Variants in VPS13B observed in about 807,000 individuals in gnomAD.
VPS13B encodes the protein intermembrane lipid transfer protein VPS13B.
In VPS13B, 285 loss-of-function variants were observed where a neutral mutation model predicts 426.4. The ratio of observed to expected loss-of-function variants is 0.67; its 90% CI spans 0.61 to 0.74. The LOEUF is 0.74. VPS13B is among the 30% of genes least tolerant of loss of function. The pLI is 0.00. For missense variants in VPS13B, 4,537 were observed against 4,782.6 expected (o/e 0.95, Z 1.51); for synonymous variants, 1,676 against 1,676.4 (o/e 1.00, Z 0.01).
chr8:99,111,237 T>C lies in VPS13B; in HGVS notation c.720T>C (p.Phe240=). The change falls in exon 6 of 62, where the codon TTT becomes TTC. Residue 240 remains phenylalanine (F), a synonymous_variant. Transcript: ENST00000357162. ...GTTCCTTCAGAACTCGTCTTCATTT[T>C]ACATATGAAAACCTAAATTCCAAGA... The part of the protein sequence containing the change: ...YKCSFRTRLH[F]TYENLNSKMP... The C allele has an allele frequency of 3.7e-6, 6 of 1,603,440 alleles. No homozygotes were observed. The highest frequency in any genetic ancestry group is 5.1e-6 in the Non-Finnish European group (6 of 1,176,016).
chr8:99,585,918 A>G (rs753068427), intron 33 of VPS13B, among the ~76,000 whole-genome samples: 22 of 152,180 alleles, frequency 1.4e-4, no homozygotes, highest in Admixed American at 2.6e-4. Context: ...CTCTTACAGA[A>G]TGAGAGACTC....
chr8:99,409,805 T>C, intron 21 of VPS13B, among the ~76,000 whole-genome samples: 1 of 152,194 alleles, frequency 6.6e-6, no homozygotes, highest in Non-Finnish European at 1.5e-5. Context: ...TCAAATAAGA[T>C]GAGAAGAGTT....
At position 99,454,698 on chromosome 8, in the gene VPS13B, G is replaced by A. The variant is rs148560339; in HGVS notation, c.3445+12063G>A. 1.9e-3 allele frequency among the ~76,000 whole-genome samples: 285 copies of A among 152,068 alleles called. 2 individuals carry two copies. The highest frequency in any genetic ancestry group is 6.3e-3 in the African/African-American group (263 of 41,492). Reference sequence around the variant, plus strand: ...ATCGTATGGTAAAAATGTTTAGTTCGGTAATATACCACCAGACTGTCTTCA... The same window carrying A: ...ATCGTATGGTAAAAATGTTTAGTTCAGTAATATACCACCAGACTGTCTTCA... On this transcript the variant is annotated intron_variant, in intron 23 of 61. Coordinates refer to ENST00000357162, the MANE Select transcript of VPS13B (RefSeq NM_152564.5).
At chr8:99,378,091 T>G (rs1238007254) in intron 19 of VPS13B, among the ~76,000 whole-genome samples, 1 of 143,902 alleles carries the variant, frequency 6.9e-6, no homozygotes, top group Non-Finnish European at 1.5e-5. Context: ...ATCCCTTACC[T>G]GCAACTGCAT....
intron 17 of VPS13B, among the ~76,000 whole-genome samples, chr8:99,208,206 G>C (rs1814843886): frequency 6.6e-6 from 1 of 152,044 alleles, no homozygotes; most frequent in Non-Finnish European, 1.5e-5. Context: ...CATCTTCTGA[G>C]AACTCACTAT....
At chr8:99,722,576 G>A (rs1161820579) in intron 39 of VPS13B, among the ~76,000 whole-genome samples, 2 of 149,206 alleles carry the variant, frequency 1.3e-5, no homozygotes, top group Non-Finnish European at 3.0e-5. Context: ...GCAAGATCTC[G>A]GCTCACTGCA....
intron 2 of VPS13B, among the ~76,000 whole-genome samples, chr8:99,031,052 T>C (rs1015755958): frequency 4.6e-5 from 7 of 152,196 alleles, no homozygotes; most frequent in African/African-American, 1.7e-4. Context: ...TTAGTTTTGT[T>C]ACATGTTGTT....
chr8:99,414,092 T>C (rs1815850016), intron 21 of VPS13B, among the ~76,000 whole-genome samples: 1 of 152,204 alleles, frequency 6.6e-6, no homozygotes. Context: ...AAGAACTTTG[T>C]ATGAATCTGG....
intron 19 of VPS13B, among the ~76,000 whole-genome samples, chr8:99,374,601 A>G (rs1333057323): frequency 6.6e-6 from 1 of 152,104 alleles, no homozygotes; most frequent in Non-Finnish European, 1.5e-5. Flanking sequence ...TGTAATGTCA[A>G]ATGTTGTATA....
At chr8:99,377,340 C>T (rs575928313) in intron 19 of VPS13B, among the ~76,000 whole-genome samples, 164 of 152,282 alleles carry the variant, frequency 1.1e-3, no homozygotes, top group African/African-American at 3.6e-3. Flanking sequence ...ACTCAGACCT[C>T]TCTATCTCTA....
chr8:99,106,308 G>A (rs1374139161), intron 5 of VPS13B, among the ~76,000 whole-genome samples: 2 of 151,518 alleles, frequency 1.3e-5, no homozygotes, highest in East Asian at 3.9e-4. Context: ...GGTGGCAGGT[G>A]CCTGTAATCC....
intron 17 of VPS13B, among the ~76,000 whole-genome samples, chr8:99,226,293 A>T (rs1816012863): frequency 1.3e-5 from 2 of 152,140 alleles, no homozygotes; most frequent in Admixed American, 1.3e-4. Flanking sequence ...TTGTCTGCTT[A>T]ACCTGTTTTC....
At chr8:99,544,344 G>T (rs1823823750) in intron 30 of VPS13B, among the ~76,000 whole-genome samples, 1 of 152,046 alleles carries the variant, frequency 6.6e-6, no homozygotes, top group Non-Finnish European at 1.5e-5. Flanking sequence ...GGATAGCATT[G>T]GGAGATATAC....
chr8:99,478,702 G>A (rs968839790), intron 24 of VPS13B, among the ~76,000 whole-genome samples: 7 of 151,506 alleles, frequency 4.6e-5, no homozygotes, highest in Non-Finnish European at 8.8e-5. Context: ...GCCTGCCTTG[G>A]CCTCCCAAAG....
At chr8:99,445,664 T>G (rs17377220) in intron 23 of VPS13B, among the ~76,000 whole-genome samples, 4,876 of 152,056 alleles carry the variant, frequency 0.032, 104 homozygotes, top group Middle Eastern at 0.068. Context: ...AAGTATGTTT[T>G]AGTTTTAGAA....
chr8:99,095,322 G>T (rs1394020299), intron 3 of VPS13B, among the ~76,000 whole-genome samples: 7 of 152,068 alleles, frequency 4.6e-5, no homozygotes. Context: ...TGTATACTCT[G>T]GCCTTATTTG....
chr8:99,579,615 G>A (rs1229761867), intron 33 of VPS13B, among the ~76,000 whole-genome samples: 2 of 151,818 alleles, frequency 1.3e-5, no homozygotes, highest in Non-Finnish European at 2.9e-5. Context: ...GGCCAGGCTG[G>A]TCTCCAACTC....
chr8:99,491,911 G>A (rs1004146729), intron 25 of VPS13B, among the ~76,000 whole-genome samples: 2 of 152,090 alleles, frequency 1.3e-5, no homozygotes, highest in African/African-American at 2.4e-5. Context: ...CATTGCTGGC[G>A]AGGACCTGCA....
At position 99,117,615 on chromosome 8, in the gene VPS13B, A is replaced by G. The variant is rs149980724; in HGVS notation, c.937+1741A>G. Among the ~76,000 whole-genome samples the G allele has an allele frequency of 2.9e-3, 437 of 152,296 alleles. 3 individuals are homozygous for G. The highest frequency in any genetic ancestry group is 0.01 in the African/African-American group (417 of 41,572). ...ACATTGGAGTATTATTTAGCTGTAC[A>G]AAAAAATGAAATACTGATATAGGCT... On this transcript the variant is annotated intron_variant, in intron 7 of 61. Transcript: ENST00000357162.
Sources: gnomAD v4.1 joint callset for allele counts (sites outside exome capture counted in the v4.1 genomes callset) on GRCh38, gnomAD v4.1.1 for gene constraint, MANE v1.5 for transcripts, NCBI Gene and HGNC (gene_info 2026-07-23, HGNC 2026-07-21) for gene names.